MAGI2: variants seen among roughly 807,000 people sequenced by gnomAD.
MAGI2 encodes the protein membrane associated guanylate kinase, WW and PDZ domain containing 2.
Under a neutral mutation model 133.3 loss-of-function variants are expected in MAGI2, and 35 were observed. The ratio of observed to expected loss-of-function variants is 0.26; its 90% confidence interval spans 0.20 to 0.35. The LOEUF is 0.35. MAGI2 is among the 10% of genes least tolerant of loss of function. The probability of loss-of-function intolerance (pLI) is 1.00; values close to 1 mark genes in which losing one functional copy is unlikely to be tolerated. For synonymous variants in MAGI2, 729 were observed against 710.6 expected (o/e 1.03, Z -0.41); for missense variants, 1,636 against 1,863.4 (o/e 0.88, Z 2.25).
intron 3 of MAGI2, among the ~76,000 whole-genome samples, chr7:78,566,183 G>A (rs1048309425): frequency 7.2e-5 from 11 of 152,126 alleles, no homozygotes; most frequent in African/African-American, 7.2e-5. Flanking sequence ...GTGAGCAAAG[G>A]CATGGAGTTG....
At chr7:79,256,486 C>CTTTTT (rs11303181) in intron 1 of MAGI2, among the ~76,000 whole-genome samples, 31 of 82,766 alleles carry the variant, frequency 3.7e-4, no homozygotes, top group East Asian at 2.6e-3. Context: ...CTCTCTCTCT[C>CTTTTT]TTTTTTTTTT....
chr7:78,670,757 A>T (rs1320748655), intron 2 of MAGI2, among the ~76,000 whole-genome samples: 1 of 152,208 alleles, frequency 6.6e-6, no homozygotes, highest in East Asian at 1.9e-4. Context: ...GAGCCCTCAG[A>T]AAGTTGATCT....
chr7:78,660,428 A>T (rs1277328051), intron 2 of MAGI2, among the ~76,000 whole-genome samples: 1 of 152,126 alleles, frequency 6.6e-6, no homozygotes, highest in African/African-American at 2.4e-5. Context: ...TTCTCATGAA[A>T]ATATCAACTC....
chr7:78,285,494 A>T (rs1320108550), intron 9 of MAGI2, among the ~76,000 whole-genome samples: 2 of 152,060 alleles, frequency 1.3e-5, no homozygotes, highest in Non-Finnish European at 1.5e-5. Context: ...ATTGTGTGAA[A>T]CCCTTAATAC....
chr7:79,193,650 T>C (rs1428142533), intron 1 of MAGI2, among the ~76,000 whole-genome samples: 2 of 151,754 alleles, frequency 1.3e-5, no homozygotes, highest in Non-Finnish European at 2.9e-5. Context: ...AAATTAAAAA[T>C]ACCATGAAAA....
At chr7:79,303,252 C>A (rs1216895395) in intron 1 of MAGI2, among the ~76,000 whole-genome samples, 2 of 151,926 alleles carry the variant, frequency 1.3e-5, no homozygotes, top group African/African-American at 4.8e-5. Flanking sequence ...CTTCACTATA[C>A]AATCCATCCA....
intron 1 of MAGI2, among the ~76,000 whole-genome samples, chr7:79,066,989 C>T (rs895447889): frequency 2.6e-4 from 39 of 152,232 alleles, no homozygotes; most frequent in Middle Eastern, 3.4e-3. Flanking sequence ...GGTGCCAGTA[C>T]CATGCTGTTT....
chr7:79,136,048 GGAAAGAAAGAAAGAAA>G, intron 1 of MAGI2, among the ~76,000 whole-genome samples: 1 of 64,454 alleles, frequency 1.6e-5, no homozygotes, highest in Non-Finnish European at 3.3e-5. Flanking sequence ...AAAGAAAGAA[GGAAAGAAAGAAAGAAA>G]GAAGGAAAGA....
At chr7:78,417,458 C>T (rs1798405492) in intron 6 of MAGI2, among the ~76,000 whole-genome samples, 1 of 152,086 alleles carries the variant, frequency 6.6e-6, no homozygotes, top group African/African-American at 2.4e-5. Flanking sequence ...GTTTATCAAT[C>T]ACTCCCTCGT....
chr7:78,453,510 T>C (rs750277590), intron 6 of MAGI2, among the ~76,000 whole-genome samples: 18 of 152,196 alleles, frequency 1.2e-4, no homozygotes, highest in Non-Finnish European at 2.4e-4. Flanking sequence ...TCAGATGATA[T>C]CTTAGGCCTC....
intron 2 of MAGI2, among the ~76,000 whole-genome samples, chr7:78,893,822 C>T (rs542864161): frequency 4.6e-5 from 7 of 152,220 alleles, no homozygotes; most frequent in African/African-American, 1.7e-4. Context: ...CGCATATATA[C>T]ATATGTAACA....
intron 2 of MAGI2, among the ~76,000 whole-genome samples, chr7:78,775,088 C>T (rs781376098): frequency 3.3e-5 from 5 of 151,360 alleles, no homozygotes; most frequent in African/African-American, 7.3e-5. Context: ...CCGAGGTGGG[C>T]GGATCACGAG....
At chr7:79,370,912 C>A (rs182141355) in intron 1 of MAGI2, among the ~76,000 whole-genome samples, 15 of 152,140 alleles carry the variant, frequency 9.9e-5, no homozygotes, top group Middle Eastern at 3.4e-3. Context: ...TTACTTGGTT[C>A]ATGGGCATTT....
intron 1 of MAGI2, among the ~76,000 whole-genome samples, chr7:79,280,926 GAAAAAAAAAAAAAAAAAAAAAAAA>G (rs71095390): frequency 1.1e-4 from 4 of 35,766 alleles, no homozygotes; most frequent in South Asian, 2.3e-3. Context: ...CTCTGTCTCT[GAAAAAAAAAAAAAAAAAAAAAAAA>G]AAAAAAAAAA....
intron 2 of MAGI2, among the ~76,000 whole-genome samples, chr7:78,733,014 G>A (rs577190066): frequency 6.6e-5 from 10 of 152,224 alleles, no homozygotes; most frequent in African/African-American, 2.2e-4. Context: ...AGGAGTAAGA[G>A]CCTTAAGGGG....
At chr7:79,078,236 C>A (rs1397763239) in intron 1 of MAGI2, among the ~76,000 whole-genome samples, 1 of 152,088 alleles carries the variant, frequency 6.6e-6, no homozygotes, top group Non-Finnish European at 1.5e-5. Context: ...ATGTCTCAGG[C>A]TATTTAAGTG....
At chr7:79,386,631 T>C (rs573671088) in intron 1 of MAGI2, among the ~76,000 whole-genome samples, 2 of 152,234 alleles carry the variant, frequency 1.3e-5, no homozygotes, top group East Asian at 3.9e-4. Flanking sequence ...TGAGATTTTC[T>C]CATTAATCTC....
At chr7:78,794,312 A>G (rs1027358412) in intron 2 of MAGI2, among the ~76,000 whole-genome samples, 16 of 152,196 alleles carry the variant, frequency 1.1e-4, no homozygotes, top group Admixed American at 5.2e-4. Context: ...GAGCTGAGCA[A>G]TGAAACTCTA....
intron 6 of MAGI2, among the ~76,000 whole-genome samples, chr7:78,384,756 A>G (rs1374034691): frequency 6.6e-6 from 1 of 152,180 alleles, no homozygotes; most frequent in East Asian, 1.9e-4. Flanking sequence ...CCTTTATTAT[A>G]TTAGACAAAC....
Sources: gnomAD v4.1 joint callset for allele counts (sites outside exome capture counted in the v4.1 genomes callset) on GRCh38, gnomAD v4.1.1 for gene constraint, MANE v1.5 for transcripts, NCBI Gene and HGNC (gene_info 2026-07-23, HGNC 2026-07-21) for gene names.